The following RPTOR variants were observed in gnomAD, a reference collection of about 807,000 sequenced individuals.
RPTOR encodes regulatory-associated protein of mTOR.
A neutral mutation model predicts 169.9 loss-of-function variants in RPTOR; 21 were observed. The ratio of observed to expected loss-of-function variants is 0.12; its 90% CI spans 0.09 to 0.18. RPTOR has a LOEUF of 0.18. Ranked by LOEUF, RPTOR falls within the 10% of genes least tolerant of loss-of-function variation. The pLI, the probability that RPTOR is intolerant of heterozygous loss-of-function variation, is 1.00. For synonymous variants in RPTOR, 732 were observed against 753.2 expected (o/e 0.97, Z 0.46); for missense variants, 1,133 against 1,855.9 (o/e 0.61, Z 7.16).
At chr17:80,876,673 C>T (rs1203477530) in intron 13 of RPTOR, among the ~76,000 whole-genome samples, 4 of 113,444 alleles carry the variant, frequency 3.5e-5, no homozygotes, top group South Asian at 3.4e-4. Context: ...GTGTGTGTGT[C>T]GCCTGCCGGG....
chr17:80,884,242 C>T (rs575890220), intron 16 of RPTOR, among the ~76,000 whole-genome samples: 4 of 152,208 alleles, frequency 2.6e-5, no homozygotes, highest in East Asian at 1.9e-4. Context: ...GTCACGTGCT[C>T]GCTGTCCGGG....
intron 17 of RPTOR, among the ~76,000 whole-genome samples, chr17:80,889,771 G>A (rs949550050): frequency 1.3e-4 from 20 of 152,196 alleles, no homozygotes; most frequent in Admixed American, 4.6e-4. Context: ...CCTCCAGAGC[G>A]AGGCCCGCCA....
chr17:80,709,610 C>T (rs1335471898), intron 4 of RPTOR, among the ~76,000 whole-genome samples: 2 of 152,236 alleles, frequency 1.3e-5, no homozygotes, highest in African/African-American at 4.8e-5. Flanking sequence ...AGTGCCTTCC[C>T]TGCAGATGGG....
intron 12 of RPTOR, 26 bp from the exon 13 acceptor site, chr17:80,857,764 G>A (rs1479540044): frequency 1.3e-6 from 2 of 1,564,472 alleles, no homozygotes; most frequent in South Asian, 1.1e-5. Flanking sequence ...CGGCACAGGT[G>A]CGCTGACGCC....
At chr17:80,928,826 G>T (rs762281829) in intron 24 of RPTOR, among the ~76,000 whole-genome samples, 1 of 152,210 alleles carries the variant, frequency 6.6e-6, no homozygotes, top group African/African-American at 2.4e-5. Flanking sequence ...TCTTCTCTCA[G>T]TTGGAAGGTT....
chr17:80,946,335 A>C (rs2069103603), intron 26 of RPTOR, among the ~76,000 whole-genome samples: 1 of 152,234 alleles, frequency 6.6e-6, no homozygotes, highest in East Asian at 1.9e-4. Context: ...TAAAACATAC[A>C]TAGCCTAAAA....
intron 5 of RPTOR, among the ~76,000 whole-genome samples, chr17:80,737,562 G>C (rs1470570262): frequency 6.6e-6 from 1 of 152,158 alleles, no homozygotes; most frequent in South Asian, 2.1e-4. Context: ...ACCACTCCAG[G>C]CTTGGGCATG....
intron 4 of RPTOR, among the ~76,000 whole-genome samples, chr17:80,725,866 T>G (rs2066328279): frequency 6.6e-6 from 1 of 152,230 alleles, no homozygotes; most frequent in African/African-American, 2.4e-5. Context: ...CTGTAATGTA[T>G]ACAGCTCATG....
chr17:80,940,049 C>G (rs913963646), intron 24 of RPTOR, among the ~76,000 whole-genome samples: 2 of 152,244 alleles, frequency 1.3e-5, no homozygotes, highest in African/African-American at 4.8e-5. Flanking sequence ...GCCCGTGCCT[C>G]TGGTGCACTG....
intron 4 of RPTOR, among the ~76,000 whole-genome samples, chr17:80,710,339 C>T (rs1251237986): frequency 1.3e-5 from 2 of 151,856 alleles, no homozygotes; most frequent in Non-Finnish European, 1.5e-5. Flanking sequence ...GTGTGCTGGC[C>T]GATGCCTTCA....
chr17:80,757,937 G>A lies in RPTOR; in HGVS notation c.830+3752G>A, dbSNP rs76883306. ...TGTATGTCTGATCCCTGTCCAAAGA[G>A]GCTTATGAGTGCCCATTTCACGTTA... On this transcript the variant is annotated intron_variant, in intron 6 of 33. Transcript: ENST00000306801. Among the ~76,000 whole-genome samples the A allele has an allele frequency of 5.7e-3, 862 of 152,186 alleles. 14 individuals carry two copies. The highest frequency in any genetic ancestry group is 0.02 in the African/African-American group (832 of 41,502).
At position 80,694,848 on chromosome 17, in the gene RPTOR, G is replaced by A. The variant is rs554782681; in HGVS notation, c.349-12993G>A. ...CCTCTCTGGCACTCATGGGCATGTT[G>A]GCCTTCTCGAGGGGAAGGGGTTGAG... On this transcript the variant is annotated intron_variant, in intron 3 of 33. Transcript: ENST00000306801. 5.3e-5 allele frequency among the ~76,000 whole-genome samples: 8 copies of A among 152,290 alleles called. No individual in the cohort carries two copies. In the South Asian group the frequency reaches 1.7e-3, roughly 32 times the overall value.
chr17:80,733,686 A>G (rs910898481), intron 5 of RPTOR, among the ~76,000 whole-genome samples: 3 of 152,248 alleles, frequency 2.0e-5, no homozygotes, highest in Non-Finnish European at 2.9e-5. Flanking sequence ...AAAGAAGTCA[A>G]TTATGTGTAG....
At chr17:80,781,606 C>T (rs1005093064) in intron 6 of RPTOR, among the ~76,000 whole-genome samples, 3 of 152,314 alleles carry the variant, frequency 2.0e-5, no homozygotes, top group African/African-American at 4.8e-5. Context: ...GCAGCTGAGA[C>T]GTTTGGCAGT....
Position 80,754,240 on chromosome 17 carries a change from G to A in RPTOR, c.830+55G>A, listed in dbSNP as rs777177817. 2.7e-6 allele frequency: 4 copies of A among 1,504,282 alleles called. No homozygotes were observed. The Admixed American group carries it at 6.1e-5, about 23-fold the overall frequency. 93.2% of individuals were successfully genotyped at this position (1,504,282 alleles called of 1,614,324 possible). A position where few individuals can be genotyped will look rare whatever the true frequency, so the allele number is the denominator to read the frequency against. On this transcript the variant is annotated intron_variant, in intron 6 of 33. Coordinates refer to ENST00000306801, the MANE Select transcript of RPTOR (RefSeq NM_020761.3). This position sits in a 1 kb window ranked among gnomAD's most constrained non-coding sequence, Gnocchi z 4.2. ...CCACTCAACTGGGCTCTCCCGCAGG[G>A]ACCCCAACCCATGTGGGCCCCAGGC...
chr17:80,831,076 T>G (rs2067498667), intron 9 of RPTOR, among the ~76,000 whole-genome samples: 2 of 152,122 alleles, frequency 1.3e-5, no homozygotes, highest in African/African-American at 4.8e-5. Flanking sequence ...GCTCTTTGCT[T>G]CCCAGCGGAG....
Position 80,707,907 on chromosome 17 carries a change from C to A in RPTOR, c.415C>A (p.Arg139Ser). The A allele has an allele frequency of 6.2e-7, 1 of 1,614,072 alleles. No individual in the cohort carries two copies. The highest frequency in any genetic ancestry group is 8.5e-7 in the Non-Finnish European group (1 of 1,179,972). ...CAAGAAGCTCTGCACGTCCTTACGT[C>A]GCAACGCCAAGGAGGAGCGAGTCCT... is the stretch of plus-strand genomic sequence containing the variant. The part of the protein sequence containing the change: ...EVKKLCTSLR[R>S]NAKEERVLFH... Residue 139 changes from arginine to serine, a missense_variant, in exon 4 of 34, where the codon CGC becomes AGC. Around this residue, in one of 9 missense-constraint regions of RPTOR, gnomAD observed 74 missense variants for 168.3 expected, o/e 0.44. Transcript: ENST00000306801. This position sits in a 1 kb window ranked among gnomAD's most constrained non-coding sequence, Gnocchi z 5.0.
At chr17:80,581,231 A>G (rs2065010658) in intron 1 of RPTOR, among the ~76,000 whole-genome samples, 1 of 152,242 alleles carries the variant, frequency 6.6e-6, no homozygotes, top group Non-Finnish European at 1.5e-5. Context: ...AGATACTTTG[A>G]AAGTCCTGCA....
At chr17:80,910,338 G>C (rs540581279) in intron 21 of RPTOR, among the ~76,000 whole-genome samples, 1 of 152,174 alleles carries the variant, frequency 6.6e-6, no homozygotes, top group African/African-American at 2.4e-5. Context: ...AATTGTTTAC[G>C]GTATTTGTCC....
Sources: gnomAD v4.1 joint callset for allele counts (sites outside exome capture counted in the v4.1 genomes callset) on GRCh38, gnomAD v4.1.1 for gene constraint, gnomAD v4.1.1 regional missense constraint, Gnocchi (gnomAD v3.1) non-coding constraint, MANE v1.5 for transcripts, NCBI Gene and HGNC (gene_info 2026-07-23, HGNC 2026-07-21) for gene names.